The following IDE variants were observed in gnomAD, a reference collection of about 807,000 sequenced individuals.
IDE encodes insulin degrading enzyme.
In IDE, 58 loss-of-function variants were observed where a neutral mutation model predicts 133.2. The ratio of observed to expected loss-of-function variants is 0.44; its 90% CI spans 0.35 to 0.54. The LOEUF (loss-of-function observed/expected upper bound fraction) is 0.54, where lower values mean the gene tolerates loss of function less well. Ranked by LOEUF, IDE falls within the 20% of genes least tolerant of loss-of-function variation. The probability of loss-of-function intolerance (pLI) is 0.00; values close to 1 mark genes in which losing one functional copy is unlikely to be tolerated. For missense variants in IDE, 981 were observed against 1,234.0 expected (o/e 0.79, Z 3.07); for synonymous variants, 396 against 421.3 (o/e 0.94, Z 0.73).
intron 17 of IDE, among the ~76,000 whole-genome samples, chr10:92,473,905 C>T (rs1846114219): frequency 1.3e-5 from 2 of 151,986 alleles, no homozygotes; most frequent in African/African-American, 2.4e-5. Flanking sequence ...CTGCTTGAAC[C>T]TGGGAGGTGG....
In IDE at chr10:92,490,744, C is replaced by T. The variant is rs376791435; in HGVS notation, c.1431-149G>A. The T allele has an allele frequency of 6.6e-6, 4 of 605,164 alleles. No homozygotes were observed. The East Asian group carries it at 1.1e-4, about 17-fold the overall frequency. 37.5% of individuals were successfully genotyped at this position (605,164 alleles called of 1,614,324 possible). A position where few individuals can be genotyped will look rare whatever the true frequency, so the allele number is the denominator to read the frequency against. Reference sequence around the variant, plus strand: ...CAAATCCTGTAAGGCTTAGTCCAAACAAGCAATACATGAATAGAGGTTTCT... The same window carrying T: ...CAAATCCTGTAAGGCTTAGTCCAAATAAGCAATACATGAATAGAGGTTTCT... On this transcript the variant is annotated intron_variant, in intron 11 of 24. Coordinates refer to ENST00000265986, the MANE Select transcript of IDE (RefSeq NM_004969.4).
intron 10 of IDE, among the ~76,000 whole-genome samples, chr10:92,506,180 G>A (rs1168514113): frequency 6.6e-6 from 1 of 152,082 alleles, no homozygotes; most frequent in Non-Finnish European, 1.5e-5. Flanking sequence ...AGTAACACCT[G>A]ATATGCTGTA....
intron 17 of IDE, among the ~76,000 whole-genome samples, chr10:92,472,642 CTTTTTTTT>C (rs35959170): frequency 7.9e-6 from 1 of 125,930 alleles, no homozygotes; most frequent in Non-Finnish European, 1.7e-5. Context: ...CAACAGAATT[CTTTTTTTT>C]TTTTTTTTTT....
At chr10:92,508,653 A>ATTCTC (rs1230484073) in intron 7 of IDE, 75 bp downstream of exon 7, 5 of 1,354,570 alleles carry the variant, frequency 3.7e-6, no homozygotes, top group Non-Finnish European at 5.3e-6. Flanking sequence ...TTCATAGGAC[A>ATTCTC]CTATTCAGGA....
intron 1 of IDE, among the ~76,000 whole-genome samples, chr10:92,557,781 T>C (rs1843080430): frequency 6.8e-6 from 1 of 147,328 alleles, no homozygotes; most frequent in African/African-American, 2.5e-5. Flanking sequence ...TCCCAGCTAC[T>C]CAGGAGGCTG....
At chr10:92,549,085 C>T (rs1842663956) in intron 1 of IDE, among the ~76,000 whole-genome samples, 1 of 152,040 alleles carries the variant, frequency 6.6e-6, no homozygotes, top group Non-Finnish European at 1.5e-5. Context: ...TATTGAAACA[C>T]TGTCTCTACT....
intron 19 of IDE, 72 bp downstream of exon 19, chr10:92,468,807 C>G (rs982972623): frequency 1.4e-6 from 1 of 739,400 alleles, no homozygotes; most frequent in African/African-American, 1.7e-5. Flanking sequence ...ATACCAAATT[C>G]AGCCCACCTG....
At chr10:92,525,374 G>A (rs1438544478) in intron 4 of IDE, among the ~76,000 whole-genome samples, 1 of 152,158 alleles carries the variant, frequency 6.6e-6, no homozygotes, top group African/African-American at 2.4e-5. Flanking sequence ...CAACACACTG[G>A]GTAGAGAAGG....
At chr10:92,479,173 A>T (rs897552159) in intron 15 of IDE, 104 bp downstream of exon 15, 210 of 549,212 alleles carry the variant, frequency 3.8e-4, no homozygotes, top group Middle Eastern at 6.5e-4. Context: ...CATAAAGATT[A>T]AAAAAAAAAG....
rs1481750859 is a variant in IDE at position 92,468,981 on chromosome 10, C to G, written c.2218G>C (p.Gly740Arg). Reference sequence around the variant, plus strand: ...GTGTCTTCAACCATCTGCATAATTCCTAATGCAGCCTATGGAAAAAGATAT... The same window carrying G: ...GTGTCTTCAACCATCTGCATAATTCGTAATGCAGCCTATGGAAAAAGATAT... ...HGNITKQAAL[G>R]IMQMVEDTLI... Residue 740 changes from glycine to arginine, a missense_variant, in exon 19 of 25, where the codon GGA (glycine) becomes CGA (arginine). Gly to Arg is a moderately radical substitution (Grantham distance 125, BLOSUM62 -2). Transcript: ENST00000265986. 1.9e-6 allele frequency: 3 copies of G among 1,567,890 alleles called. No individual in the cohort carries two copies. In the African/African-American group the frequency reaches 4.0e-5, roughly 21 times the overall value.
intron 1 of IDE, chr10:92,541,401 C>T (rs2135719161): frequency 2.2e-6 from 1 of 445,290 alleles, no homozygotes; most frequent in East Asian, 7.4e-5. Flanking sequence ...GATCACCTGT[C>T]TATCTACTTC....
At chr10:92,552,934 T>C (rs1175760271) in intron 1 of IDE, among the ~76,000 whole-genome samples, 1 of 125,046 alleles carries the variant, frequency 8.0e-6, no homozygotes, top group Non-Finnish European at 1.7e-5. Context: ...GCAAGAAAAA[T>C]ATGAGTCTAG....
chr10:92,509,994 G>A lies in IDE; in HGVS notation c.897+56C>T, dbSNP rs1848499903. On this transcript the variant is annotated intron_variant, in intron 6 of 24. Transcript: ENST00000265986. ...TTTTCACCTGTTCTATGGTAAACTAGGTATATATTATGTCCATAAATTAAG... is the reference window on the plus strand; with the variant it reads ...TTTTCACCTGTTCTATGGTAAACTAAGTATATATTATGTCCATAAATTAAG... 14 of 776,278 alleles carry A rather than the reference G, an allele frequency of 1.8e-5. No individual in the cohort carries two copies. In the South Asian group the frequency reaches 2.3e-4, roughly 13 times the overall value. 48.1% of individuals were successfully genotyped at this position (776,278 alleles called of 1,614,324 possible).
chr10:92,490,489 C>T lies in IDE; in HGVS notation c.1533+4G>A. 6.4e-7 allele frequency: 1 copy of T among 1,553,764 alleles called. No individual in the cohort carries two copies. ...AGGCTTATTCATAGATGAGTTAACC[C>T]TACCTTGATGACTTCATCCGGTATA... On this transcript the variant is annotated splice_donor_region_variant and intron_variant, in intron 12 of 24. Coordinates refer to ENST00000265986, the MANE Select transcript of IDE (RefSeq NM_004969.4).
At chr10:92,482,548 G>A (rs564622265) in intron 14 of IDE, among the ~76,000 whole-genome samples, 3 of 152,220 alleles carry the variant, frequency 2.0e-5, no homozygotes, top group African/African-American at 4.8e-5. Context: ...TCCTCTTCTA[G>A]ACAAGTTCCA....
intron 1 of IDE, among the ~76,000 whole-genome samples, chr10:92,557,083 C>A (rs1843048455): frequency 6.6e-6 from 1 of 151,720 alleles, no homozygotes; most frequent in Non-Finnish European, 1.5e-5. Flanking sequence ...TCCTTTTTTG[C>A]AGAAATTGAC....
At position 92,453,579 on chromosome 10, in the gene IDE, C is replaced by T. The variant is rs1326647540; in HGVS notation, c.*865G>A. The stretch of plus-strand genomic sequence containing the variant: ...AAGTTATACAGGTGGTTACAAAAAG[C>T]TGATGTTGGAAAAGCATGTCACACA... On this transcript the variant is annotated 3_prime_UTR_variant, in exon 25 of 25. Transcript: ENST00000265986. The T allele has an allele frequency of 6.6e-6, 1 of 152,104 alleles. No homozygotes were observed. Among genetic ancestry groups the T allele is most frequent in the African/African-American group, 2.4e-5 (1 of 41,420 alleles). 9.4% of individuals were successfully genotyped at this position (152,104 alleles called of 1,614,324 possible).
In IDE at chr10:92,507,615, C is replaced by T. The variant is rs775329426; in HGVS notation, c.1205G>A (p.Arg402His). The T allele has an allele frequency of 1.2e-5, 19 of 1,609,692 alleles. No homozygotes were observed. Among genetic ancestry groups the T allele is most frequent in the African/African-American group, 2.7e-5 (2 of 74,964 alleles). The change falls in exon 9 of 25, where the codon CGT (arginine) becomes CAT (histidine). Residue 402 changes from arginine to histidine, a missense_variant. Physicochemically the swap from Arg to His is conservative, Grantham distance 29. Transcript: ENST00000265986. ...LHMFQYIQKL[R>H]AEGPQEWVFQ... is the part of the protein sequence containing the mutation. ...AACCCATTCTTGAGGTCCTTCTGCA[C>T]GTAACTTCTGAATGTATTGAAACAT...
At position 92,564,881 on chromosome 10, in the gene IDE, A is replaced by AC. The variant is rs1039790921; in HGVS notation, c.98+9040dup. On this transcript the variant is annotated intron_variant, in intron 1 of 24. Transcript: ENST00000265986. ...AGACCAACCTCTGCAACACAGTAAGACCCCATCTCTAAAAAAATAAAATAG... is the reference window on the plus strand; with the variant it reads ...AGACCAACCTCTGCAACACAGTAAGACCCCCATCTCTAAAAAAATAAAATAG... 5.3e-5 allele frequency among the ~76,000 whole-genome samples: 8 copies of AC among 151,832 alleles called. No homozygotes were observed. The East Asian group carries it at 1.4e-3, about 26-fold the overall frequency.
Sources: allele counts gnomAD v4.1 joint callset (sites outside exome capture counted in the v4.1 genomes callset), GRCh38; gene constraint gnomAD v4.1.1; transcripts MANE v1.5; gene names NCBI Gene and HGNC (gene_info 2026-07-23, HGNC 2026-07-21).